VCL: variants seen among roughly 807,000 people sequenced by gnomAD.
VCL encodes epididymis luminal protein 114.
A neutral mutation model predicts 125.7 loss-of-function variants in VCL; 47 were observed. That is an observed-to-expected ratio of 0.37 (90% confidence interval 0.30 to 0.48). The LOEUF (loss-of-function observed/expected upper bound fraction) is 0.48, where lower values mean the gene tolerates loss of function less well. Ranked by LOEUF, VCL falls within the 20% of genes least tolerant of loss-of-function variation. The pLI, the probability that VCL is intolerant of heterozygous loss-of-function variation, is 0.99. For missense variants in VCL, 1,069 were observed against 1,455.5 expected (o/e 0.73, Z 4.32); for synonymous variants, 458 against 514.6 (o/e 0.89, Z 1.49).
At chr10:74,065,547 T>C (rs1591683276) in intron 2 of VCL, among the ~76,000 whole-genome samples, 1 of 151,932 alleles carries the variant, frequency 6.6e-6, no homozygotes, top group East Asian at 1.9e-4. Flanking sequence ...CATAATTAGC[T>C]GGGTATGATG....
intron 1 of VCL, among the ~76,000 whole-genome samples, chr10:74,004,198 A>G (rs1840278013): frequency 6.6e-6 from 1 of 152,174 alleles, no homozygotes; most frequent in South Asian, 2.1e-4. Context: ...GTATTTTCCA[A>G]TTTTTGAAAA....
chr10:74,056,492 A>G (rs1841393453), intron 2 of VCL, among the ~76,000 whole-genome samples: 1 of 152,138 alleles, frequency 6.6e-6, no homozygotes, highest in Non-Finnish European at 1.5e-5. Context: ...TTGTACTTTA[A>G]GAGAGTTGGG....
chr10:74,097,231 A>G lies in VCL; in HGVS notation c.1771A>G (p.Met591Val), dbSNP rs1377142745. The G allele has an allele frequency of 3.7e-6, 6 of 1,614,032 alleles. No individual in the cohort carries two copies. Among genetic ancestry groups the G allele is most frequent in the East Asian group, 2.2e-5 (1 of 44,894 alleles). ...TCTAAAAGCTCGGATGCAGGAGGCC[A>G]TGACTCAGGAAGTGTCAGATGTTTT... Reference protein sequence around the residue: ...KDLKARMQEAMTQEVSDVFSD... With the variant: ...KDLKARMQEAVTQEVSDVFSD... The change falls in exon 13 of 22, where the codon ATG becomes GTG. Residue 591 changes from methionine to valine, a missense_variant. Transcript: ENST00000211998. This position sits in a 1 kb window ranked among gnomAD's most constrained non-coding sequence, Gnocchi z 4.1.
chr10:74,055,485 T>C (rs896744842), intron 2 of VCL, among the ~76,000 whole-genome samples: 2 of 151,552 alleles, frequency 1.3e-5, no homozygotes, highest in Non-Finnish European at 2.9e-5. Flanking sequence ...CCTGGGACTA[T>C]AGGCATGCAT....
rs1415976484 is a variant in VCL at position 74,036,477 on chromosome 10, C to T, written c.169-6606C>T. ...CTTGGCCTCCCAAAGTGCTGGATTA[C>T]AGGCGTGAGCCACCGTGCCCAGCCA... On this transcript the variant is annotated intron_variant, in intron 1 of 21. Transcript: ENST00000211998. Among the ~76,000 whole-genome samples, 3 of 152,134 alleles carry T rather than the reference C, an allele frequency of 2.0e-5. No homozygotes were observed. The East Asian group carries it at 5.8e-4, about 29-fold the overall frequency.
At chr10:74,107,813 A>G (rs921995611) in intron 17 of VCL, among the ~76,000 whole-genome samples, 1 of 152,092 alleles carries the variant, frequency 6.6e-6, no homozygotes, top group African/African-American at 2.4e-5. Flanking sequence ...GCTTTTAAAA[A>G]ATTTTTCCCT....
chr10:74,024,503 C>T (rs891721808), intron 1 of VCL, among the ~76,000 whole-genome samples: 2 of 151,504 alleles, frequency 1.3e-5, no homozygotes, highest in African/African-American at 2.4e-5. Flanking sequence ...ACCAGGTACT[C>T]GGGAGACTGA....
At chr10:74,024,575 C>T (rs992343873) in intron 1 of VCL, among the ~76,000 whole-genome samples, 4 of 150,712 alleles carry the variant, frequency 2.7e-5, no homozygotes, top group Non-Finnish European at 5.9e-5. Context: ...TGCACCATTG[C>T]ACTCTAGGCA....
intron 3 of VCL, 40 bp downstream of exon 3, chr10:74,070,860 T>C (rs946914373): frequency 1.2e-6 from 2 of 1,613,086 alleles, no homozygotes; most frequent in African/African-American, 2.7e-5. Flanking sequence ...TTGAAGATAA[T>C]AATGGAAGAT....
rs1293837106 is a variant in VCL at position 74,068,293 on chromosome 10, C to T, written c.240-2377C>T. Among the ~76,000 whole-genome samples the T allele has an allele frequency of 3.3e-5, 5 of 152,120 alleles. No individual in the cohort carries two copies. The East Asian group carries it at 5.8e-4, about 18-fold the overall frequency. ...AGCTTTATAAAAGTAGGAGGAGGCTCTTTATGTACTTTTCTTTCTTTTTTT... is the reference window on the plus strand; with the variant it reads ...AGCTTTATAAAAGTAGGAGGAGGCTTTTTATGTACTTTTCTTTCTTTTTTT... On this transcript the variant is annotated intron_variant, in intron 2 of 21. Transcript: ENST00000211998.
intron 2 of VCL, among the ~76,000 whole-genome samples, chr10:74,065,530 A>G (rs1218856226): frequency 6.6e-6 from 1 of 152,038 alleles, no homozygotes; most frequent in Non-Finnish European, 1.5e-5. Flanking sequence ...TCGCTACAAA[A>G]AATAAACATA....
At chr10:74,038,797 G>A (rs1841033693) in intron 1 of VCL, among the ~76,000 whole-genome samples, 1 of 152,136 alleles carries the variant, frequency 6.6e-6, no homozygotes, top group Admixed American at 6.5e-5. Flanking sequence ...TTTTTGCCTG[G>A]TGTAGCCATG....
At chr10:74,113,067 C>T (rs1331347204) in intron 19 of VCL, among the ~76,000 whole-genome samples, 1 of 152,184 alleles carries the variant, frequency 6.6e-6, no homozygotes, top group Non-Finnish European at 1.5e-5. Context: ...TTCATGGTGC[C>T]TGTAGAGGCC....
chr10:74,079,733 G>A (rs1032795024), intron 6 of VCL, among the ~76,000 whole-genome samples: 2 of 152,034 alleles, frequency 1.3e-5, no homozygotes, highest in African/African-American at 4.8e-5. Context: ...AATTCCCTTA[G>A]ACATGTTTGT....
At chr10:74,047,582 AC>A in intron 2 of VCL, among the ~76,000 whole-genome samples, 1 of 152,310 alleles carries the variant, frequency 6.6e-6, no homozygotes, top group East Asian at 1.9e-4. Flanking sequence ...TGCTTAAGCA[AC>A]ACTAAAGGCT....
At chr10:74,094,503 A>T in intron 11 of VCL, 42 bp downstream of exon 11, 1 of 1,593,098 alleles carries the variant, frequency 6.3e-7, no homozygotes, top group East Asian at 2.2e-5. Context: ...AATTGGTCTC[A>T]GTGCAAATAA....
At chr10:74,114,146 G>A (rs779966203) in intron 19 of VCL, 38 bp from the exon 20 acceptor site, 26 of 1,609,934 alleles carry the variant, frequency 1.6e-5, no homozygotes, top group South Asian at 2.2e-5. Flanking sequence ...TGGCCAGAGC[G>A]TGGGCAGAGC....
chr10:74,044,939 G>A (rs1362554408), intron 2 of VCL, among the ~76,000 whole-genome samples: 2 of 152,230 alleles, frequency 1.3e-5, no homozygotes, highest in Admixed American at 1.3e-4. Flanking sequence ...AGCACTTTGG[G>A]AGGCCGAGGA....
chr10:74,030,275 C>T (rs1343132103), intron 1 of VCL, among the ~76,000 whole-genome samples: 2 of 152,190 alleles, frequency 1.3e-5, no homozygotes, highest in Admixed American at 6.5e-5. Flanking sequence ...GCTAATGTTA[C>T]CAAATCTTCC....
Sources: allele counts gnomAD v4.1 joint callset (sites outside exome capture counted in the v4.1 genomes callset), GRCh38; gene constraint gnomAD v4.1.1; non-coding constraint Gnocchi (gnomAD v3.1); transcripts MANE v1.5; gene names NCBI Gene and HGNC (gene_info 2026-07-23, HGNC 2026-07-21).